TAOK3: variants seen among roughly 807,000 people sequenced by gnomAD.
TAOK3 encodes the protein serine/threonine-protein kinase TAO3.
Under a neutral mutation model 120.4 loss-of-function variants are expected in TAOK3, and 40 were observed. The ratio of observed to expected loss-of-function variants is 0.33; its 90% CI spans 0.26 to 0.43. The LOEUF (loss-of-function observed/expected upper bound fraction) is 0.43, where lower values mean the gene tolerates loss of function less well. Ranked by LOEUF, TAOK3 falls within the 20% of genes least tolerant of loss-of-function variation. The probability of loss-of-function intolerance (pLI) is 1.00; values close to 1 mark genes in which losing one functional copy is unlikely to be tolerated. For synonymous variants in TAOK3, 355 were observed against 387.5 expected (o/e 0.92, Z 0.99); for missense variants, 821 against 1,112.1 (o/e 0.74, Z 3.72).
At chr12:118,173,870 TGATGCCGATATCATA>T (rs1426593801) in intron 16 of TAOK3, among the ~76,000 whole-genome samples, 1 of 152,266 alleles carries the variant, frequency 6.6e-6, no homozygotes, top group Non-Finnish European at 1.5e-5. Context: ...TAATGTTTTG[TGATGCCGATATCATA>T]GACTATTTTA....
intron 1 of TAOK3, among the ~76,000 whole-genome samples, chr12:118,342,811 G>A (rs1037877772): frequency 1.3e-4 from 20 of 152,020 alleles, no homozygotes; most frequent in Admixed American, 1.2e-3. Context: ...GCAGGTGCCT[G>A]TAGTCCCAGG....
chr12:118,253,444 A>G (rs995801218), intron 3 of TAOK3, among the ~76,000 whole-genome samples: 1 of 152,166 alleles, frequency 6.6e-6, no homozygotes, highest in Admixed American at 6.6e-5. Flanking sequence ...TAAATTAAAT[A>G]ACTATATTTT....
In TAOK3 at chr12:118,161,719, G is replaced by GTGACTC. The variant is rs2035231410; in HGVS notation, c.2139+63_2139+68dup. On this transcript the variant is annotated intron_variant, in intron 18 of 20. Coordinates refer to ENST00000392533, the MANE Select transcript of TAOK3 (RefSeq NM_016281.4). This position sits in a 1 kb window ranked among gnomAD's most constrained non-coding sequence, Gnocchi z 4.5. ...TTTGTGATTCTGAAAAGTTGCTCAG[G>GTGACTC]TGACTCTGACACTTCAGGTAGAGAA... 9 of 1,579,946 alleles carry GTGACTC rather than the reference G, an allele frequency of 5.7e-6. No individual in the cohort carries two copies. In the Admixed American group the frequency reaches 1.6e-4, roughly 27 times the overall value.
intron 1 of TAOK3, among the ~76,000 whole-genome samples, chr12:118,311,322 G>A (rs1027635090): frequency 3.9e-5 from 6 of 152,168 alleles, no homozygotes; most frequent in Non-Finnish European, 8.8e-5. Flanking sequence ...TTAGCTGGGT[G>A]TGGTAGTGGG....
intron 1 of TAOK3, among the ~76,000 whole-genome samples, chr12:118,290,715 T>C (rs1246136950): frequency 6.6e-6 from 1 of 151,894 alleles, no homozygotes; most frequent in Non-Finnish European, 1.5e-5. Context: ...ACAGGGGTGT[T>C]CCACCATGCC....
At chr12:118,225,905 A>C (rs369037786) in intron 9 of TAOK3, among the ~76,000 whole-genome samples, 3 of 152,168 alleles carry the variant, frequency 2.0e-5, no homozygotes, top group African/African-American at 7.2e-5. Flanking sequence ...AGCAATTTCA[A>C]CTTTCAATGC....
intron 1 of TAOK3, among the ~76,000 whole-genome samples, chr12:118,267,089 T>C (rs1041674265): frequency 1.3e-5 from 2 of 152,256 alleles, no homozygotes; most frequent in Admixed American, 1.3e-4. Context: ...CTACTGATTC[T>C]CTGTTGTTAA....
intron 9 of TAOK3, among the ~76,000 whole-genome samples, chr12:118,230,132 C>G (rs2039697998): frequency 6.6e-6 from 1 of 152,132 alleles, no homozygotes. Context: ...TTTAACCAAT[C>G]TAAAATTTAT....
At chr12:118,193,056 T>G (rs2037518814) in intron 13 of TAOK3, among the ~76,000 whole-genome samples, 1 of 146,350 alleles carries the variant, frequency 6.8e-6, no homozygotes, top group Non-Finnish European at 1.5e-5. Flanking sequence ...GTTGTTTTTT[T>G]TTTTTTTTTT....
intron 1 of TAOK3, among the ~76,000 whole-genome samples, chr12:118,308,931 CAAAAAAAAA>C (rs60574584): frequency 1.3e-4 from 4 of 30,058 alleles, no homozygotes; most frequent in Non-Finnish European, 2.7e-4. Context: ...ACTCTGTCTC[CAAAAAAAAA>C]AAAAAAAAAA....
chr12:118,187,668 A>G (rs2037158271), intron 14 of TAOK3, among the ~76,000 whole-genome samples: 1 of 152,128 alleles, frequency 6.6e-6, no homozygotes, highest in African/African-American at 2.4e-5. Context: ...ATCAATCCCA[A>G]TCATGACTCC....
rs112080782 is a variant in TAOK3, at chr12:118,207,860, A to T, written c.819+5054T>A. Among the ~76,000 whole-genome samples, 46 of 146,444 alleles carry T rather than the reference A, an allele frequency of 3.1e-4. No homozygotes were observed. The East Asian group carries it at 7.5e-3, about 24-fold the overall frequency. On this transcript the variant is annotated intron_variant, in intron 11 of 20. Transcript: ENST00000392533. ...GGGCAACGGCGCGAGACTCTGTCTCACACACACACACACACACACACACAC... is the reference window on the plus strand; with the variant it reads ...GGGCAACGGCGCGAGACTCTGTCTCTCACACACACACACACACACACACAC...
chr12:118,218,974 T>C (rs2039083295), intron 9 of TAOK3, among the ~76,000 whole-genome samples: 1 of 152,002 alleles, frequency 6.6e-6, no homozygotes. Context: ...ACTAAATAAA[T>C]AAAACCACGT....
intron 9 of TAOK3, among the ~76,000 whole-genome samples, chr12:118,223,568 G>C (rs1016218184): frequency 1.3e-5 from 2 of 151,180 alleles, no homozygotes; most frequent in African/African-American, 2.4e-5. Context: ...GGATGGTCTC[G>C]ATCTCCTGAC....
At chr12:118,155,005 AT>A (rs112895077) in intron 19 of TAOK3, among the ~76,000 whole-genome samples, 22,668 of 141,326 alleles carry the variant, frequency 0.16, 1,900 homozygotes, top group East Asian at 0.24. Context: ...ATATATATAT[AT>A]TTTTTTTTGA....
Position 118,167,669 on chromosome 12 carries a change from C to CTT in TAOK3, c.1899+4786_1899+4787dup, listed in dbSNP as rs74263402. Among the ~76,000 whole-genome samples, 14 of 139,832 alleles carry CTT rather than the reference C, an allele frequency of 1.0e-4. No homozygotes were observed. The East Asian group carries it at 1.4e-3, about 14-fold the overall frequency. The allele number at this position is 139,832 out of a possible 152,430, so 91.7% of individuals were successfully genotyped here. On this transcript the variant is annotated intron_variant, in intron 17 of 20. Transcript: ENST00000392533. ...TTTTTCCTGCTTCTCTTTATAGGCTCTTTTTTTTTTTTTTCCTTTTTTTGC... is the reference window on the plus strand; with the variant it reads ...TTTTTCCTGCTTCTCTTTATAGGCTCTTTTTTTTTTTTTTTTCCTTTTTTTGC...
chr12:118,249,089 T>C (rs1231727598), intron 3 of TAOK3, among the ~76,000 whole-genome samples: 1 of 152,182 alleles, frequency 6.6e-6, no homozygotes, highest in East Asian at 1.9e-4. Flanking sequence ...CAAGTTTTAT[T>C]CTTGAAACTT....
rs1339334793 is a variant in TAOK3 at position 118,302,023 on chromosome 12, A to G, written c.-193-35264T>C. Among the ~76,000 whole-genome samples, 5 of 152,066 alleles carry G rather than the reference A, an allele frequency of 3.3e-5. No homozygotes were observed. In the East Asian group the frequency reaches 9.6e-4, roughly 29 times the overall value. ...TTTAAATTCAAAATGCCTCTTTTAG[A>G]ATATTTGTATACTCTCAGACACTTG... On this transcript the variant is annotated intron_variant, in intron 1 of 20. Coordinates refer to ENST00000392533, the MANE Select transcript of TAOK3 (RefSeq NM_016281.4).
At chr12:118,278,543 G>A (rs989227631) in intron 1 of TAOK3, among the ~76,000 whole-genome samples, 3 of 152,034 alleles carry the variant, frequency 2.0e-5, no homozygotes, top group Non-Finnish European at 2.9e-5. Context: ...CCAGTCCACC[G>A]CTGATGGGCA....
Sources: gnomAD v4.1 joint callset for allele counts (sites outside exome capture counted in the v4.1 genomes callset) on GRCh38, gnomAD v4.1.1 for gene constraint, Gnocchi (gnomAD v3.1) non-coding constraint, MANE v1.5 for transcripts, NCBI Gene and HGNC (gene_info 2026-07-23, HGNC 2026-07-21) for gene names.